Variants in SOX6 observed in about 807,000 individuals in gnomAD.
The protein encoded by SOX6 is transcription factor SOX-6.
Under a neutral mutation model 97.8 loss-of-function variants are expected in SOX6, and 11 were observed. The ratio of observed to expected loss-of-function variants is 0.11; its 90% CI spans 0.07 to 0.19. The LOEUF (loss-of-function observed/expected upper bound fraction) is 0.19. SOX6 is among the 10% of genes least tolerant of loss of function. The pLI, the probability that SOX6 is intolerant of heterozygous loss-of-function variation, is 1.00. For synonymous variants in SOX6, 360 were observed against 371.4 expected, an observed-to-expected ratio of 0.97 and a Z score of 0.35; for missense variants, 810 against 1,039.5, an observed-to-expected ratio of 0.78 and a Z score of 3.04.
chr11:15,984,115 G>C (rs1167315832), intron 15 of SOX6, among the ~76,000 whole-genome samples: 2 of 152,150 alleles, frequency 1.3e-5, no homozygotes, highest in Non-Finnish European at 2.9e-5. Context: ...ATCTTATTTA[G>C]AGAATTATGT....
chr11:16,442,920 CA>C (rs1281553521), intron 1 of SOX6, among the ~76,000 whole-genome samples: 2 of 152,112 alleles, frequency 1.3e-5, no homozygotes, highest in African/African-American at 4.8e-5. Flanking sequence ...TTTCCAGGTT[CA>C]TATCAGGAAA....
chr11:16,653,936 A>C (rs1222770049), intron 3 of SOX6, among the ~76,000 whole-genome samples: 1 of 151,802 alleles, frequency 6.6e-6, no homozygotes, highest in Non-Finnish European at 1.5e-5. Flanking sequence ...TAAAAACACA[A>C]AATATGAATT....
intron 4 of SOX6, among the ~76,000 whole-genome samples, chr11:16,527,481 T>C (rs1039055623): frequency 6.6e-6 from 1 of 152,122 alleles, no homozygotes; most frequent in African/African-American, 2.4e-5. Context: ...CTAACATGTC[T>C]TAGAAGCCTA....
At chr11:16,672,576 T>C (rs1189749106) in intron 3 of SOX6, among the ~76,000 whole-genome samples, 5 of 152,114 alleles carry the variant, frequency 3.3e-5, no homozygotes, top group African/African-American at 1.2e-4. Flanking sequence ...ACTCCAGTTT[T>C]TAAAACTGTC....
intron 1 of SOX6, among the ~76,000 whole-genome samples, chr11:16,440,563 T>C (rs930928670): frequency 1.3e-5 from 2 of 152,188 alleles, no homozygotes; most frequent in East Asian, 1.9e-4. Context: ...GCTGAGATTA[T>C]AGGCTCCTTA....
intron 2 of SOX6, among the ~76,000 whole-genome samples, chr11:16,333,132 C>A (rs111811848): frequency 3.5e-4 from 53 of 152,126 alleles, no homozygotes; most frequent in African/African-American, 1.2e-3. Flanking sequence ...TGGAAAGCAA[C>A]CCTTTCCAAA....
intron 4 of SOX6, among the ~76,000 whole-genome samples, chr11:16,542,758 A>G (rs982097409): frequency 1.8e-4 from 28 of 152,180 alleles, no homozygotes; most frequent in African/African-American, 6.5e-4. Flanking sequence ...CAATCCTAAT[A>G]TAACATGAAT....
At chr11:16,614,860 G>T (rs544383827) in intron 3 of SOX6, among the ~76,000 whole-genome samples, 1 of 152,130 alleles carries the variant, frequency 6.6e-6, no homozygotes, top group Admixed American at 6.5e-5. Context: ...TGGGACACTA[G>T]GGAACTATTT....
chr11:16,360,481 T>C (rs1002879162), upstream of SOX6, among the ~76,000 whole-genome samples: 1 of 152,192 alleles, frequency 6.6e-6, no homozygotes, highest in African/African-American at 2.4e-5. Context: ...TATGTATTTG[T>C]TTCCTCCTAT....
At chr11:16,521,075 C>A (rs1323282409) in intron 4 of SOX6, among the ~76,000 whole-genome samples, 1 of 152,214 alleles carries the variant, frequency 6.6e-6, no homozygotes, top group Admixed American at 6.5e-5. Context: ...GAAAAGACAG[C>A]AGTAACCTCT....
intron 1 of SOX6, among the ~76,000 whole-genome samples, chr11:16,344,050 A>C (rs1856711901): frequency 6.6e-6 from 1 of 151,942 alleles, no homozygotes; most frequent in Non-Finnish European, 1.5e-5. Context: ...TCCTTAGCAA[A>C]GGAATTAACA....
chr11:16,453,458 G>A (rs1447677929), intron 1 of SOX6, among the ~76,000 whole-genome samples: 2 of 151,886 alleles, frequency 1.3e-5, no homozygotes, highest in African/African-American at 2.4e-5. Context: ...AGGAAACAAG[G>A]AATCACAAAC....
chr11:16,224,788 A>G (rs1852635627), intron 4 of SOX6, among the ~76,000 whole-genome samples: 1 of 152,088 alleles, frequency 6.6e-6, no homozygotes, highest in South Asian at 2.1e-4. Context: ...AACAATCAAG[A>G]GACTATGTAA....
At chr11:16,296,361 G>A (rs1855088991) in intron 3 of SOX6, among the ~76,000 whole-genome samples, 1 of 152,046 alleles carries the variant, frequency 6.6e-6, no homozygotes, top group South Asian at 2.1e-4. Context: ...GACACAATGT[G>A]AAGAGCAACT....
At chr11:16,223,767 A>G (rs1174914143) in intron 4 of SOX6, among the ~76,000 whole-genome samples, 1 of 152,136 alleles carries the variant, frequency 6.6e-6, no homozygotes, top group Non-Finnish European at 1.5e-5. Context: ...AGCAATCTGA[A>G]TGGCTTCCAG....
At chr11:16,581,267 T>C (rs1331848845) in intron 4 of SOX6, among the ~76,000 whole-genome samples, 1 of 151,978 alleles carries the variant, frequency 6.6e-6, no homozygotes, top group Non-Finnish European at 1.5e-5. Flanking sequence ...TATGCAGCCA[T>C]AAAAAGGAAT....
chr11:16,628,925 G>A lies in SOX6; in HGVS notation n.430-16665C>T, dbSNP rs549306048. Among the ~76,000 whole-genome samples the A allele has an allele frequency of 7.2e-5, 11 of 152,270 alleles. No homozygotes were observed. In the South Asian group the frequency reaches 1.0e-3, roughly 14 times the overall value. ...AACATTATTGGTGTATAGAAATGATGCTGATTTTTGTATGTTGATTTTGTA... is the reference window on the plus strand; with the variant it reads ...AACATTATTGGTGTATAGAAATGATACTGATTTTTGTATGTTGATTTTGTA... On this transcript the variant is annotated intron_variant and non_coding_transcript_variant, in intron 3 of 5. Transcript: ENST00000524520.
At chr11:16,409,098 C>T (rs899538810) in intron 1 of SOX6, among the ~76,000 whole-genome samples, 3 of 151,970 alleles carry the variant, frequency 2.0e-5, no homozygotes, top group African/African-American at 7.3e-5. Context: ...CAATATCTTC[C>T]CTAACCAATG....
chr11:16,101,559 C>T (rs549935188), intron 7 of SOX6, among the ~76,000 whole-genome samples: 49 of 151,754 alleles, frequency 3.2e-4, no homozygotes, highest in African/African-American at 1.1e-3. Flanking sequence ...ACTTATTTCA[C>T]AGCTGCATCC....
Sources: gnomAD v4.1 joint callset for allele counts (sites outside exome capture counted in the v4.1 genomes callset) on GRCh38, gnomAD v4.1.1 for gene constraint, MANE v1.5 for transcripts, NCBI Gene and HGNC (gene_info 2026-07-23, HGNC 2026-07-21) for gene names.